Variants in ADGRL2 observed in about 807,000 individuals in gnomAD.
The protein encoded by ADGRL2 is calcium-independent alpha-latrotoxin receptor 2.
A neutral mutation model predicts 157.4 loss-of-function variants in ADGRL2; 44 were observed. That is an observed-to-expected ratio of 0.28 (90% CI 0.22 to 0.36). The LOEUF is 0.36. Ranked by LOEUF, ADGRL2 falls within the 10% of genes least tolerant of loss-of-function variation. The pLI is 1.00. For missense variants in ADGRL2, 1,510 were observed against 1,768.9 expected (o/e 0.85, Z 2.63); for synonymous variants, 585 against 624.7 (o/e 0.94, Z 0.95).
intron 1 of ADGRL2, among the ~76,000 whole-genome samples, chr1:81,370,158 T>C (rs1376659304): frequency 1.3e-5 from 2 of 152,072 alleles, no homozygotes; most frequent in Non-Finnish European, 2.9e-5. Context: ...AAAAAAAGGC[T>C]CTAACTTAAT....
At chr1:81,359,347 T>A (rs990207920) in intron 1 of ADGRL2, among the ~76,000 whole-genome samples, 18 of 152,222 alleles carry the variant, frequency 1.2e-4, no homozygotes, top group African/African-American at 4.3e-4. Flanking sequence ...CAGACTGCTG[T>A]CCATGTAAAG....
At chr1:81,760,230 C>A (rs1455850263) in intron 1 of ADGRL2, among the ~76,000 whole-genome samples, 1 of 152,018 alleles carries the variant, frequency 6.6e-6, no homozygotes, top group African/African-American at 2.4e-5. Context: ...GTAAATTTGA[C>A]TACACAGTTT....
At chr1:81,496,841 T>C (rs767157267) in intron 2 of ADGRL2, among the ~76,000 whole-genome samples, 1 of 151,998 alleles carries the variant, frequency 6.6e-6, no homozygotes, top group Non-Finnish European at 1.5e-5. Context: ...ATAAATATAA[T>C]GAACTTTCAA....
chr1:81,362,395 T>A (rs202186204), intron 1 of ADGRL2, among the ~76,000 whole-genome samples: 1 of 39,388 alleles, frequency 2.5e-5, no homozygotes, highest in Non-Finnish European at 9.5e-5. Flanking sequence ...TGTCTTTTGA[T>A]TTTTTTTTTC....
chr1:81,870,377 C>T (rs2093661095), intron 2 of ADGRL2, among the ~76,000 whole-genome samples: 1 of 151,890 alleles, frequency 6.6e-6, no homozygotes, highest in Admixed American at 6.6e-5. Context: ...CCTGTTTATT[C>T]TTTCTTGGAG....
rs761277179 is a variant in ADGRL2, at chr1:81,841,845, A to T, written c.73+4788A>T. ...AGAATAAATCTTTGAAGAGGTTCAT[A>T]GTCTGTATAATGAGGGAAAAGACAA... is the stretch of plus-strand genomic sequence containing the variant. On this transcript the variant is annotated intron_variant, in intron 2 of 23. Transcript: ENST00000686636. Among the ~76,000 whole-genome samples the T allele has an allele frequency of 5.2e-4, 79 of 152,322 alleles. 1 individual carries two copies. Among genetic ancestry groups the T allele is most frequent in the Non-Finnish European group, 8.7e-4 (59 of 68,034 alleles).
intron 1 of ADGRL2, among the ~76,000 whole-genome samples, chr1:81,746,972 A>G (rs1173632556): frequency 6.8e-6 from 1 of 147,634 alleles, no homozygotes; most frequent in African/African-American, 2.5e-5. Flanking sequence ...ATACACACGT[A>G]TACACACGTG....
chr1:81,863,361 C>A (rs2150831465), intron 2 of ADGRL2, among the ~76,000 whole-genome samples: 1 of 152,254 alleles, frequency 6.6e-6, no homozygotes, highest in Middle Eastern at 3.4e-3. Context: ...TCTCTGTTGC[C>A]TCCTAAATAC....
At chr1:81,655,091 C>A (rs1205682297) in intron 3 of ADGRL2, among the ~76,000 whole-genome samples, 1 of 152,174 alleles carries the variant, frequency 6.6e-6, no homozygotes, top group African/African-American at 2.4e-5. Flanking sequence ...GCCAGGGGGG[C>A]AAGAGGGGCT....
intron 2 of ADGRL2, among the ~76,000 whole-genome samples, chr1:81,507,597 C>T (rs74095567): frequency 5.3e-5 from 8 of 152,192 alleles, no homozygotes; most frequent in Non-Finnish European, 8.8e-5. Context: ...AGCAAGGGAG[C>T]GGCTGGTCAT....
At chr1:81,774,436 T>C (rs2086496057) in intron 2 of ADGRL2, among the ~76,000 whole-genome samples, 1 of 152,214 alleles carries the variant, frequency 6.6e-6, no homozygotes, top group Non-Finnish European at 1.5e-5. Context: ...ATGGAGTCCA[T>C]GGTTCCCAAA....
At chr1:81,936,369 T>A (rs1389238375) in intron 3 of ADGRL2, among the ~76,000 whole-genome samples, 1 of 151,932 alleles carries the variant, frequency 6.6e-6, no homozygotes, top group African/African-American at 2.4e-5. Flanking sequence ...AATATCCTAG[T>A]AAGATATATC....
intron 2 of ADGRL2, among the ~76,000 whole-genome samples, chr1:81,900,111 G>A (rs1396846977): frequency 1.3e-5 from 2 of 152,056 alleles, no homozygotes; most frequent in African/African-American, 4.8e-5. Context: ...GTAAAATGTT[G>A]ATAATAATGT....
At chr1:81,537,460 T>G (rs914676012) in intron 2 of ADGRL2, among the ~76,000 whole-genome samples, 1 of 151,792 alleles carries the variant, frequency 6.6e-6, no homozygotes, top group Admixed American at 6.6e-5. Context: ...ATTTTGTATT[T>G]TTTTTAGTAG....
rs373361030 is a variant in ADGRL2 at position 81,776,168 on chromosome 1, TG to T, written c.-101+14317del. On this transcript the variant is annotated intron_variant, in intron 2 of 20. Transcript: ENST00000359929. ...AAGTGGTTGTGTTTTTAAATGGAAC[TG>T]TGCCTCAGAGTACCTTAAAGCATTT... Among the ~76,000 whole-genome samples the T allele has an allele frequency of 1.5e-4, 22 of 151,514 alleles. No homozygotes were observed. The South Asian group carries it at 1.7e-3, about 11-fold the overall frequency.
At chr1:81,408,792 A>G (rs1392274986) in intron 1 of ADGRL2, among the ~76,000 whole-genome samples, 6 of 152,230 alleles carry the variant, frequency 3.9e-5, no homozygotes, top group African/African-American at 1.4e-4. Context: ...AAAGAAAACC[A>G]TAATGCATGG....
intron 1 of ADGRL2, among the ~76,000 whole-genome samples, chr1:81,732,533 T>G (rs1027525722): frequency 6.6e-6 from 1 of 152,160 alleles, no homozygotes; most frequent in Non-Finnish European, 1.5e-5. Flanking sequence ...ACATACACTA[T>G]AAGCCTAGCA....
chr1:81,987,564 C>G (rs1663540619), intron 22 of ADGRL2, among the ~76,000 whole-genome samples: 1 of 151,676 alleles, frequency 6.6e-6, no homozygotes, highest in Non-Finnish European at 1.5e-5. Flanking sequence ...TAGCTTATAC[C>G]TATAGTTTTT....
intron 3 of ADGRL2, among the ~76,000 whole-genome samples, chr1:81,924,245 A>G (rs2095053606): frequency 7.7e-6 from 1 of 130,704 alleles, no homozygotes. Context: ...TCCTCAGACT[A>G]GAAGCATAGT....
Sources: allele counts gnomAD v4.1 joint callset (sites outside exome capture counted in the v4.1 genomes callset), GRCh38; gene constraint gnomAD v4.1.1; transcripts MANE v1.5; gene names NCBI Gene and HGNC (gene_info 2026-07-23, HGNC 2026-07-21).